Variants in PTPRD observed in about 807,000 individuals in gnomAD.
PTPRD encodes the protein receptor-type tyrosine-protein phosphatase delta.
Under a neutral mutation model 214.5 loss-of-function variants are expected in PTPRD, and 34 were observed. The observed-to-expected ratio is 0.16, with a 90% CI of 0.12 to 0.21. The LOEUF (loss-of-function observed/expected upper bound fraction) is 0.21, where lower values mean the gene tolerates loss of function less well. PTPRD is among the 10% of genes least tolerant of loss of function. The pLI is 1.00. For missense variants in PTPRD, 2,545 were observed against 2,398.7 expected (o/e 1.06, Z -1.27); for synonymous variants, 1,128 against 845.7 (o/e 1.33, Z -5.79).
At chr9:9,461,208 ACT>A (rs1251322230) in intron 8 of PTPRD, among the ~76,000 whole-genome samples, 6 of 151,478 alleles carry the variant, frequency 4.0e-5, no homozygotes, top group Non-Finnish European at 8.8e-5. Flanking sequence ...TTAAAAAAAA[ACT>A]ACCTATTTGG....
At chr9:10,526,172 CA>C (rs2054229199) in intron 2 of PTPRD, among the ~76,000 whole-genome samples, 1 of 151,962 alleles carries the variant, frequency 6.6e-6, no homozygotes, top group Admixed American at 6.6e-5. Context: ...AACTATAGGT[CA>C]ATACCAACTA....
intron 43 of PTPRD, among the ~76,000 whole-genome samples, chr9:8,334,187 A>C (rs1272462925): frequency 6.6e-6 from 1 of 152,148 alleles, no homozygotes; most frequent in African/African-American, 2.4e-5. Flanking sequence ...AAGCAGACCT[A>C]ATAGACATCT....
At chr9:10,326,456 T>G (rs958982108) in intron 3 of PTPRD, among the ~76,000 whole-genome samples, 1 of 151,756 alleles carries the variant, frequency 6.6e-6, no homozygotes, top group South Asian at 2.1e-4. Flanking sequence ...ATTAGTTAGA[T>G]ATTATGAAAT....
At chr9:9,779,723 G>T (rs1240695164) in intron 5 of PTPRD, among the ~76,000 whole-genome samples, 1 of 152,134 alleles carries the variant, frequency 6.6e-6, no homozygotes, top group Non-Finnish European at 1.5e-5. Context: ...TAAGGCTATG[G>T]AGAAAAGGGA....
chr9:8,554,748 T>C (rs1409892166), intron 14 of PTPRD, among the ~76,000 whole-genome samples: 2 of 152,218 alleles, frequency 1.3e-5, no homozygotes, highest in East Asian at 3.9e-4. Flanking sequence ...TATTTTGACC[T>C]GTTGGTCCAA....
At chr9:8,926,341 A>G (rs895591202) in intron 11 of PTPRD, among the ~76,000 whole-genome samples, 3 of 152,134 alleles carry the variant, frequency 2.0e-5, no homozygotes, top group African/African-American at 7.2e-5. Flanking sequence ...GCTTACCTCA[A>G]TAAAAATGAC....
chr9:10,347,595 G>A (rs1017628794), intron 2 of PTPRD, among the ~76,000 whole-genome samples: 4 of 151,662 alleles, frequency 2.6e-5, no homozygotes, highest in African/African-American at 9.7e-5. Flanking sequence ...ATTTTTAGTA[G>A]AGACGGGGTT....
chr9:9,205,639 T>A (rs1482137140), intron 9 of PTPRD, among the ~76,000 whole-genome samples: 2 of 152,204 alleles, frequency 1.3e-5, no homozygotes, highest in African/African-American at 4.8e-5. Flanking sequence ...TATATCTTTT[T>A]TGTGGCTTTT....
intron 6 of PTPRD, among the ~76,000 whole-genome samples, chr9:9,754,179 G>A (rs1000279493): frequency 1.3e-5 from 2 of 152,032 alleles, no homozygotes; most frequent in African/African-American, 4.8e-5. Context: ...CAGAATTAAT[G>A]ACAAGGGAAC....
chr9:9,175,627 A>C (rs199770309), intron 10 of PTPRD, among the ~76,000 whole-genome samples: 27 of 18,074 alleles, frequency 1.5e-3, no homozygotes, highest in Middle Eastern at 0.036. Context: ...TGTCTCAAAA[A>C]AAAAAAAAAA....
At chr9:10,224,745 C>G (rs1374701586) in intron 3 of PTPRD, among the ~76,000 whole-genome samples, 1 of 151,980 alleles carries the variant, frequency 6.6e-6, no homozygotes, top group East Asian at 1.9e-4. Flanking sequence ...GACAGGAAGA[C>G]CAACTCTCCT....
chr9:9,931,754 A>T (rs1047658172), intron 5 of PTPRD, among the ~76,000 whole-genome samples: 7 of 151,878 alleles, frequency 4.6e-5, no homozygotes, highest in Non-Finnish European at 8.8e-5. Context: ...CTACCTCTGT[A>T]GGCTCCACCT....
intron 3 of PTPRD, among the ~76,000 whole-genome samples, chr9:10,245,098 T>C (rs972558201): frequency 6.6e-6 from 1 of 152,156 alleles, no homozygotes; most frequent in African/African-American, 2.4e-5. Flanking sequence ...ACATTTTACA[T>C]ATTATTGACA....
rs536103018 is a variant in PTPRD, at chr9:10,046,611, T to C, written c.-544-12821A>G. Reference sequence around the variant, plus strand: ...TCACAAAACAAGGCATATCTAAATATAGATGTTATTTACTTGCAACTATGC... The same window carrying C: ...TCACAAAACAAGGCATATCTAAATACAGATGTTATTTACTTGCAACTATGC... On this transcript the variant is annotated intron_variant, in intron 3 of 45. Coordinates refer to ENST00000381196, the MANE Select transcript of PTPRD (RefSeq NM_002839.4). Among the ~76,000 whole-genome samples the C allele has an allele frequency of 6.6e-5, 10 of 152,026 alleles. No individual in the cohort carries two copies. The East Asian group carries it at 1.5e-3, about 23-fold the overall frequency.
chr9:10,171,369 G>A (rs2099204492), intron 3 of PTPRD, among the ~76,000 whole-genome samples: 1 of 151,830 alleles, frequency 6.6e-6, no homozygotes, highest in African/African-American at 2.4e-5. Context: ...GTTTTATAAG[G>A]AGAAACCCTT....
chr9:9,942,572 C>T (rs886840908), intron 4 of PTPRD, among the ~76,000 whole-genome samples: 1 of 152,070 alleles, frequency 6.6e-6, no homozygotes, highest in African/African-American at 2.4e-5. Flanking sequence ...TGCCCAATTT[C>T]CTTCCTTGAG....
chr9:10,163,894 C>G (rs1402522829), intron 3 of PTPRD, among the ~76,000 whole-genome samples: 1 of 151,334 alleles, frequency 6.6e-6, no homozygotes, highest in South Asian at 2.1e-4. Flanking sequence ...ATTTTCATAA[C>G]TTGAATAGTC....
chr9:9,721,728 A>C (rs1224275070), intron 7 of PTPRD, among the ~76,000 whole-genome samples: 1 of 152,086 alleles, frequency 6.6e-6, no homozygotes, highest in Non-Finnish European at 1.5e-5. Context: ...AGGTCACATA[A>C]ATTCTTACCC....
At chr9:9,788,281 G>C (rs1333503874) in intron 5 of PTPRD, among the ~76,000 whole-genome samples, 1 of 151,434 alleles carries the variant, frequency 6.6e-6, no homozygotes, top group Non-Finnish European at 1.5e-5. Flanking sequence ...GCCGGGCGCG[G>C]TGACTCACAC....
Sources: gnomAD v4.1 joint callset for allele counts (sites outside exome capture counted in the v4.1 genomes callset) on GRCh38, gnomAD v4.1.1 for gene constraint, MANE v1.5 for transcripts, NCBI Gene and HGNC (gene_info 2026-07-23, HGNC 2026-07-21) for gene names.